The following WDR19 variants were observed in gnomAD, a reference collection of about 807,000 sequenced individuals.
WDR19 encodes WD repeat-containing protein 19.
WDR19 carries 121 observed loss-of-function variants against 180.0 expected under a neutral mutation model. The observed-to-expected ratio is 0.67, with a 90% CI of 0.58 to 0.78. The LOEUF is 0.78. WDR19 is among the 30% of genes least tolerant of loss of function. The probability of loss-of-function intolerance (pLI) is 0.00; values close to 1 mark genes in which losing one functional copy is unlikely to be tolerated. For synonymous variants in WDR19, 497 were observed against 540.7 expected (o/e 0.92, Z 1.12); for missense variants, 1,450 against 1,640.7 (o/e 0.88, Z 2.01).
chr4:39,240,351 A>G lies in WDR19; in HGVS notation c.2421+17A>G. On this transcript the variant is annotated intron_variant, in intron 21 of 36. Coordinates refer to ENST00000399820, the MANE Select transcript of WDR19 (RefSeq NM_025132.4). ...GATAATAAGGTAACCTTGGATAAAGATAAGATATGCCTAATTATGTCTGGG... is the reference window on the plus strand; with the variant it reads ...GATAATAAGGTAACCTTGGATAAAGGTAAGATATGCCTAATTATGTCTGGG... 1 of 1,389,162 alleles carries G rather than the reference A, an allele frequency of 7.2e-7. No individual in the cohort carries two copies. The allele number at this position is 1,389,162 out of a possible 1,614,324, so 86.1% of individuals were successfully genotyped here.
At chr4:39,281,841 A>G (rs1243437538) in intron 36 of WDR19, among the ~76,000 whole-genome samples, 1 of 151,992 alleles carries the variant, frequency 6.6e-6, no homozygotes, top group Non-Finnish European at 1.5e-5. Context: ...TTTCTAGTCT[A>G]TTTGTTAGGT....
At chr4:39,257,444 A>G (rs1230730796) in intron 27 of WDR19, 42 bp from the exon 28 acceptor site, 2 of 1,539,414 alleles carry the variant, frequency 1.3e-6, no homozygotes, top group Admixed American at 3.9e-5. Context: ...CCTAATGTGA[A>G]AACATTCTGA....
chr4:39,271,625 A>G (rs183183136), intron 31 of WDR19, among the ~76,000 whole-genome samples: 6 of 152,236 alleles, frequency 3.9e-5, no homozygotes, highest in Non-Finnish European at 8.8e-5. Flanking sequence ...GTGTACATTT[A>G]TATATATACA....
chr4:39,240,178 A>T (rs919112649), intron 20 of WDR19, 99 bp from the exon 21 acceptor site: 3 of 39,626 alleles, frequency 7.6e-5, no homozygotes, highest in East Asian at 1.2e-3. Flanking sequence ...CCCTGTCTCT[A>T]AAAAAAAAAA....
At chr4:39,280,141 T>TTTTTTTTTTTTTTTTTTTTTTA (rs368949539) in intron 36 of WDR19, among the ~76,000 whole-genome samples, 1 of 88,354 alleles carries the variant, frequency 1.1e-5, no homozygotes, top group Non-Finnish European at 2.2e-5. Flanking sequence ...TTTTTTTTTT[T>TTTTTTTTTTTTTTTTTTTTTTA]AATAGAGGCA....
rs71192831 is a variant in WDR19 at position 39,186,478 on chromosome 4, C to CAAA, written c.99-37_99-35dup. 5.6e-3 allele frequency: 2,018 copies of CAAA among 363,022 alleles called. 1 individual carries two copies. The highest frequency in any genetic ancestry group is 0.011 in the South Asian group (419 of 36,692). 22.5% of individuals were successfully genotyped at this position (363,022 alleles called of 1,614,324 possible). The stretch of plus-strand genomic sequence containing the variant: ...TGGGCAACAGAGGGAGACTCTGTCT[C>CAAA]AAAAAAAAAAAAAAAAAAAAAAAAA... On this transcript the variant is annotated intron_variant, in intron 2 of 36. Coordinates refer to ENST00000399820, the MANE Select transcript of WDR19 (RefSeq NM_025132.4).
chr4:39,185,901 TG>T lies in WDR19; in HGVS notation c.98+85del, dbSNP rs111449236. On this transcript the variant is annotated intron_variant, in intron 2 of 36. Coordinates refer to ENST00000399820, the MANE Select transcript of WDR19 (RefSeq NM_025132.4). ...ACTCAGTAGAAGTTTTTTTTGTTGT[TG>T]TTTTTTTTTTTTAAATGGAGTCTAG... is the stretch of plus-strand genomic sequence containing the variant. 342,926 of 854,596 alleles carry T rather than the reference TG, an allele frequency of 0.4. 34,163 individuals are homozygous for T. The highest frequency in any genetic ancestry group is 0.52 in the African/African-American group (29,458 of 56,812). 52.9% of individuals were successfully genotyped at this position (854,596 alleles called of 1,614,324 possible).
chr4:39,244,392 C>G lies in WDR19; in HGVS notation c.2562+4C>G, dbSNP rs1732285598. 2.5e-6 allele frequency: 4 copies of G among 1,613,784 alleles called. No homozygotes were observed. Among genetic ancestry groups the G allele is most frequent in the South Asian group, 1.1e-5 (1 of 91,070 alleles). On this transcript the variant is annotated splice_donor_region_variant and intron_variant, in intron 22 of 36. Coordinates refer to ENST00000399820, the MANE Select transcript of WDR19 (RefSeq NM_025132.4). ...AGCCATATTGGAGAATATGAAGGTC[C>G]TCTTTTCTCTGCATCAATATACATG...
chr4:39,197,425 C>CAAAAAAAAAAAAAA (rs11343008), intron 5 of WDR19, among the ~76,000 whole-genome samples: 3 of 113,332 alleles, frequency 2.6e-5, no homozygotes, highest in African/African-American at 1.0e-4. Flanking sequence ...GACTCTATCT[C>CAAAAAAAAAAAAAA]AAAAAAAAAA....
chr4:39,281,683 T>C (rs1223029551), intron 36 of WDR19, among the ~76,000 whole-genome samples: 1 of 152,216 alleles, frequency 6.6e-6, no homozygotes, highest in Non-Finnish European at 1.5e-5. Flanking sequence ...ATCACAAATT[T>C]AGCATCTTAA....
chr4:39,241,751 C>T (rs1455200467), intron 21 of WDR19, among the ~76,000 whole-genome samples: 17 of 149,810 alleles, frequency 1.1e-4, no homozygotes, highest in Middle Eastern at 3.4e-3. Context: ...GCTGAGATCA[C>T]ACCGTTGCAC....
intron 6 of WDR19, among the ~76,000 whole-genome samples, chr4:39,201,483 G>T (rs1727373308): frequency 6.6e-6 from 1 of 152,168 alleles, no homozygotes; most frequent in South Asian, 2.1e-4. Flanking sequence ...TACTCATTCA[G>T]TACAAGCAGA....
intron 4 of WDR19, among the ~76,000 whole-genome samples, chr4:39,192,464 TTTTG>T (rs958253963): frequency 4.6e-5 from 7 of 151,798 alleles, no homozygotes; most frequent in East Asian, 1.9e-4. Flanking sequence ...CACAGTTGTT[TTTTG>T]TTTGTTTGTT....
At chr4:39,217,721 T>C (rs1035062010) in intron 13 of WDR19, among the ~76,000 whole-genome samples, 2 of 152,268 alleles carry the variant, frequency 1.3e-5, no homozygotes, top group African/African-American at 4.8e-5. Flanking sequence ...GTTTCATGGC[T>C]CTTTACATCT....
intron 24 of WDR19, among the ~76,000 whole-genome samples, chr4:39,246,631 C>T (rs550045350): frequency 2.6e-5 from 4 of 152,114 alleles, no homozygotes; most frequent in Non-Finnish European, 5.9e-5. Context: ...AGACGGCACC[C>T]GTAAAATCGG....
chr4:39,274,766 G>T, intron 32 of WDR19, 42 bp from the exon 33 acceptor site: 1 of 1,599,664 alleles, frequency 6.3e-7, no homozygotes. Context: ...ACTGAGGACA[G>T]CAGACACTGT....
At chr4:39,243,402 A>T (rs1732176259) in intron 21 of WDR19, among the ~76,000 whole-genome samples, 2 of 152,190 alleles carry the variant, frequency 1.3e-5, no homozygotes, top group Admixed American at 1.3e-4. Context: ...TTATTGGTGA[A>T]GTTGAGCGTG....
At chr4:39,202,409 A>G (rs940986103) in intron 6 of WDR19, among the ~76,000 whole-genome samples, 4 of 152,176 alleles carry the variant, frequency 2.6e-5, no homozygotes, top group Non-Finnish European at 4.4e-5. Flanking sequence ...AATGGCTCTC[A>G]TACATATGAA....
chr4:39,202,390 T>G (rs760428537), intron 6 of WDR19, among the ~76,000 whole-genome samples: 3 of 152,142 alleles, frequency 2.0e-5, no homozygotes, highest in Non-Finnish European at 2.9e-5. Flanking sequence ...CACACAAAAA[T>G]GTATAAAAAA....
Sources: allele counts gnomAD v4.1 joint callset (sites outside exome capture counted in the v4.1 genomes callset), GRCh38; gene constraint gnomAD v4.1.1; transcripts MANE v1.5; gene names NCBI Gene and HGNC (gene_info 2026-07-23, HGNC 2026-07-21).